The following MTUS2 variants were observed in gnomAD, a reference collection of about 807,000 sequenced individuals.
MTUS2 encodes microtubule associated scaffold protein 2.
MTUS2 carries 40 observed loss-of-function variants against 114.1 expected under a neutral mutation model. That is an observed-to-expected ratio of 0.35 (90% CI 0.27 to 0.46). The LOEUF is 0.46. Among genes scored for constraint, MTUS2 ranks in the 20% least tolerant of loss-of-function variants. MTUS2 has a pLI of 1.00. For missense variants in MTUS2, 1,679 were observed against 1,705.4 expected, an observed-to-expected ratio of 0.98 and a Z score of 0.27; for synonymous variants, 688 against 672.0, an observed-to-expected ratio of 1.02 and a Z score of -0.37.
At chr13:29,039,963 C>T (rs1887270763) in intron 4 of MTUS2, among the ~76,000 whole-genome samples, 1 of 152,074 alleles carries the variant, frequency 6.6e-6, no homozygotes, top group Non-Finnish European at 1.5e-5. Flanking sequence ...TTTAATTTCT[C>T]TTTATTTTTG....
Position 28,922,742 on chromosome 13 carries a change from AC to A in MTUS2, c.-243+82898del, listed in dbSNP as rs1256141017. 1.1e-4 allele frequency among the ~76,000 whole-genome samples: 17 copies of A among 151,936 alleles called. No individual in the cohort carries two copies. In the East Asian group the frequency reaches 1.5e-3, roughly 14 times the overall value. ...TTGGCACTTCAAGACTGTCTTTCCT[AC>A]CCCCCTTCAGTGCCTCTTTCAGTGA... On this transcript the variant is annotated intron_variant, in intron 2 of 15. Transcript: ENST00000612955.
intron 2 of MTUS2, among the ~76,000 whole-genome samples, chr13:28,844,590 A>AGTGTGT (rs60819520): frequency 0.18 from 26,463 of 148,060 alleles, 2,741 homozygotes; most frequent in East Asian, 0.43. Context: ...TTTGTGTGTG[A>AGTGTGT]GTGTGTGTGT....
intron 6 of MTUS2, among the ~76,000 whole-genome samples, chr13:29,286,532 G>A (rs1018591409): frequency 4.6e-5 from 7 of 152,304 alleles, no homozygotes; most frequent in African/African-American, 1.7e-4. Flanking sequence ...AAGTTAAATG[G>A]AAATAAGGTA....
intron 4 of MTUS2, among the ~76,000 whole-genome samples, chr13:29,065,493 T>C (rs1227007323): frequency 6.6e-6 from 1 of 152,226 alleles, no homozygotes; most frequent in Non-Finnish European, 1.5e-5. Flanking sequence ...TGTTTTCTTA[T>C]CAATTTGTTT....
intron 5 of MTUS2, among the ~76,000 whole-genome samples, chr13:29,151,097 A>AT (rs1297583258): frequency 5.9e-5 from 9 of 152,170 alleles, no homozygotes; most frequent in Non-Finnish European, 7.4e-5. Context: ...TGGCAGTTTG[A>AT]TAACAATAGC....
At chr13:29,376,907 G>T (rs544125081) in intron 8 of MTUS2, among the ~76,000 whole-genome samples, 1 of 152,036 alleles carries the variant, frequency 6.6e-6, no homozygotes, top group Admixed American at 6.6e-5. Context: ...AATGATATAC[G>T]TAAGTTCAAA....
At chr13:29,150,982 A>G (rs565663388) in intron 5 of MTUS2, among the ~76,000 whole-genome samples, 21 of 152,150 alleles carry the variant, frequency 1.4e-4, no homozygotes, top group African/African-American at 5.1e-4. Context: ...TGTGATATCT[A>G]TGGCTTTGTT....
At chr13:29,235,410 T>A (rs1260448184) in intron 5 of MTUS2, among the ~76,000 whole-genome samples, 1 of 152,160 alleles carries the variant, frequency 6.6e-6, no homozygotes, top group Non-Finnish European at 1.5e-5. Flanking sequence ...GTAATTTTTA[T>A]CATTTCTAAT....
At position 29,216,319 on chromosome 13, in the gene MTUS2, G is replaced by A. The variant is rs573241377; in HGVS notation, c.2645-65385G>A. ...ATCTTAGCTTGCTGGGCTCCATGGG[G>A]TGGGATCCGCTGAGCAAGACCACTT... is the stretch of plus-strand genomic sequence containing the variant. On this transcript the variant is annotated intron_variant, in intron 5 of 15. Transcript: ENST00000612955. Among the ~76,000 whole-genome samples, 10 of 152,342 alleles carry A rather than the reference G, an allele frequency of 6.6e-5. No individual in the cohort carries two copies. The South Asian group carries it at 1.9e-3, about 28-fold the overall frequency.
At chr13:28,844,995 A>T (rs1236091287) in intron 2 of MTUS2, among the ~76,000 whole-genome samples, 1 of 152,120 alleles carries the variant, frequency 6.6e-6, no homozygotes, top group Non-Finnish European at 1.5e-5. Flanking sequence ...TCACCTTATC[A>T]CCCAGGCTGG....
chr13:29,229,267 G>A (rs1040777858), intron 5 of MTUS2, among the ~76,000 whole-genome samples: 2 of 152,116 alleles, frequency 1.3e-5, no homozygotes, highest in Non-Finnish European at 2.9e-5. Context: ...TCTAGCTTTC[G>A]TGTAATTTCT....
intron 5 of MTUS2, among the ~76,000 whole-genome samples, chr13:29,192,706 G>T (rs562571247): frequency 6.6e-6 from 1 of 152,088 alleles, no homozygotes. Context: ...AAAAACTTAT[G>T]ATTCGCCTAA....
At chr13:28,980,850 A>G (rs1206205888) in intron 2 of MTUS2, among the ~76,000 whole-genome samples, 2 of 152,182 alleles carry the variant, frequency 1.3e-5, no homozygotes, top group South Asian at 2.1e-4. Context: ...TCCTGTGGCA[A>G]GCATGGCCAT....
intron 9 of MTUS2, among the ~76,000 whole-genome samples, chr13:29,442,154 A>T (rs1306063064): frequency 1.3e-5 from 2 of 152,066 alleles, no homozygotes; most frequent in Non-Finnish European, 2.9e-5. Flanking sequence ...ACCCTTGGAG[A>T]TGGCCCCTGA....
At chr13:29,439,951 G>A (rs537121566) in intron 8 of MTUS2, 32 bp from the exon 9 acceptor site, 2 of 1,529,012 alleles carry the variant, frequency 1.3e-6, no homozygotes, top group East Asian at 2.4e-5. Context: ...ATAAAACTAG[G>A]GGACTCTCGG....
chr13:29,084,473 G>T (rs895344505), intron 4 of MTUS2, among the ~76,000 whole-genome samples: 1 of 151,946 alleles, frequency 6.6e-6, no homozygotes, highest in East Asian at 1.9e-4. Context: ...TCAGGGTTAG[G>T]GGCTCCTCCA....
At chr13:28,982,271 A>G (rs1201983426) in intron 2 of MTUS2, among the ~76,000 whole-genome samples, 1 of 152,124 alleles carries the variant, frequency 6.6e-6, no homozygotes. Context: ...AATGCTCAAC[A>G]TCACTAGTCA....
At position 29,505,041 on chromosome 13, in the gene MTUS2, C is replaced by T. The variant is rs757375412; in HGVS notation, c.*1835C>T. On this transcript the variant is annotated 3_prime_UTR_variant, in exon 16 of 16. Transcript: ENST00000612955. ...CCAAGGGTCTTGCTCCTTCTGGGGA[C>T]GTACACAGTAAATCCACATGGAAAC... 23 of 232,216 alleles carry T rather than the reference C, an allele frequency of 9.9e-5. No individual in the cohort carries two copies. The highest frequency in any genetic ancestry group is 2.2e-4 in the African/African-American group (10 of 45,254). The allele number at this position is 232,216 out of a possible 1,614,324, so 14.4% of individuals were successfully genotyped here.
intron 5 of MTUS2, among the ~76,000 whole-genome samples, chr13:29,156,624 G>GCAAC (rs1182227691): frequency 1.3e-5 from 2 of 152,108 alleles, no homozygotes; most frequent in East Asian, 3.9e-4. Context: ...TCAAATTGTG[G>GCAAC]CAACGTATCC....
Sources: allele counts gnomAD v4.1 joint callset (sites outside exome capture counted in the v4.1 genomes callset), GRCh38; gene constraint gnomAD v4.1.1; transcripts MANE v1.5; gene names NCBI Gene and HGNC (gene_info 2026-07-23, HGNC 2026-07-21).